The following SMG7 variants were observed in gnomAD, a reference collection of about 807,000 sequenced individuals.
The protein encoded by SMG7 is SMG7 nonsense mediated mRNA decay factor.
SMG7 carries 34 observed loss-of-function variants against 148.2 expected under a neutral mutation model. That is an observed-to-expected ratio of 0.23 (90% confidence interval 0.17 to 0.31). The LOEUF is 0.31. SMG7 is among the 10% of genes least tolerant of loss of function. SMG7 has a pLI of 1.00. For synonymous variants in SMG7, 492 were observed against 515.1 expected, an observed-to-expected ratio of 0.96 and a Z score of 0.61; for missense variants, 1,114 against 1,408.4, an observed-to-expected ratio of 0.79 and a Z score of 3.35.
chr1:183,520,973 T>C (rs1664638757), intron 4 of SMG7, among the ~76,000 whole-genome samples: 1 of 152,114 alleles, frequency 6.6e-6, no homozygotes, highest in African/African-American at 2.4e-5. Context: ...CCACAGGCAG[T>C]GATTGAGCAA....
Position 183,552,890 on chromosome 1 carries a change from G to A in SMG7, c.*959G>A. On this transcript the variant is annotated 3_prime_UTR_variant, in exon 23 of 23. Transcript: ENST00000688051. Reference sequence around the variant, plus strand: ...CCCCCATTCTACTTCCCACCCTCCTGCCCCATCTCCATCCCTTCTTTTACC... The same window carrying A: ...CCCCCATTCTACTTCCCACCCTCCTACCCCATCTCCATCCCTTCTTTTACC... 5 of 1,468,668 alleles carry A rather than the reference G, an allele frequency of 3.4e-6. No individual in the cohort carries two copies. Among genetic ancestry groups the A allele is most frequent in the South Asian group, 2.7e-5 (2 of 73,280 alleles). The allele number at this position is 1,468,668 out of a possible 1,614,324, so 91.0% of individuals were successfully genotyped here.
At chr1:183,503,634 G>C (rs1438208084) in intron 1 of SMG7, among the ~76,000 whole-genome samples, 3 of 152,178 alleles carry the variant, frequency 2.0e-5, no homozygotes, top group African/African-American at 4.8e-5. Context: ...TCATGAAGCA[G>C]TGAGGGGAGG....
rs1210839940 is a variant in SMG7, at chr1:183,514,047, AAAAG to A, written c.61+1181_61+1184del. ...TCCGTCTCAAAAAAAAAAAAAAAAA[AAAAG>A]AGTAAATGATTTAAATACGAAATTA... On this transcript the variant is annotated intron_variant, in intron 2 of 22. Coordinates refer to ENST00000688051, the MANE Select transcript of SMG7 (RefSeq NM_001375584.1). 3.0e-4 allele frequency among the ~76,000 whole-genome samples: 45 copies of A among 151,546 alleles called. 1 individual carries two copies. Among genetic ancestry groups the A allele is most frequent in the Non-Finnish European group, 1.5e-5 (1 of 67,860 alleles).
At position 183,553,676 on chromosome 1, in the gene SMG7, T is replaced by C. The variant is rs916309394; in HGVS notation, c.*1745T>C. ...GACATGGTGTTTGGGTTTTGTTTTT[T>C]TGAAAGGTCTGAAAAGGTGAAGCCC... On this transcript the variant is annotated 3_prime_UTR_variant, in exon 23 of 23. Coordinates refer to ENST00000688051, the MANE Select transcript of SMG7 (RefSeq NM_001375584.1). The C allele has an allele frequency of 6.4e-6, 1 of 157,114 alleles. No individual in the cohort carries two copies. Among genetic ancestry groups the C allele is most frequent in the African/African-American group, 2.4e-5 (1 of 41,420 alleles). 9.7% of individuals were successfully genotyped at this position (157,114 alleles called of 1,614,324 possible).
chr1:183,481,752 G>A (rs1473270400), intron 1 of SMG7, among the ~76,000 whole-genome samples: 1 of 152,152 alleles, frequency 6.6e-6, no homozygotes, highest in African/African-American at 2.4e-5. Flanking sequence ...AGTGTACTAA[G>A]GGAAGTGGAA....
intron 1 of SMG7, among the ~76,000 whole-genome samples, chr1:183,477,743 TGTG>T (rs1652955927): frequency 6.8e-6 from 1 of 146,812 alleles, no homozygotes; most frequent in Non-Finnish European, 1.5e-5. Context: ...CATATATACA[TGTG>T]TGTGCATATG....
At chr1:183,497,552 T>C (rs1463866539) in intron 1 of SMG7, among the ~76,000 whole-genome samples, 2 of 152,200 alleles carry the variant, frequency 1.3e-5, no homozygotes, top group East Asian at 3.8e-4. Context: ...GTTTAATTTG[T>C]TAAATTATTT....
chr1:183,526,948 C>G (rs1665989396), intron 5 of SMG7, among the ~76,000 whole-genome samples, 181 bp downstream of exon 5: 1 of 152,164 alleles, frequency 6.6e-6, no homozygotes, highest in East Asian at 1.9e-4. Context: ...ATTGGCAGAG[C>G]ATCGTGAAGA....
At chr1:183,480,700 T>C (rs914639350) in intron 1 of SMG7, among the ~76,000 whole-genome samples, 1 of 152,204 alleles carries the variant, frequency 6.6e-6, no homozygotes, top group Non-Finnish European at 1.5e-5. Flanking sequence ...GGCAGTGGTA[T>C]ATACACAGAG....
intron 1 of SMG7, among the ~76,000 whole-genome samples, chr1:183,503,565 T>C (rs555498546): frequency 6.6e-6 from 1 of 152,120 alleles, no homozygotes; most frequent in African/African-American, 2.4e-5. Context: ...GGACATAGGG[T>C]TTTTTACTAC....
At chr1:183,498,818 G>T (rs1659131073) in intron 1 of SMG7, among the ~76,000 whole-genome samples, 1 of 152,124 alleles carries the variant, frequency 6.6e-6, no homozygotes, top group Admixed American at 6.6e-5. Context: ...ACACTCTGTG[G>T]GTTTGGACCA....
rs950086187 is a variant in SMG7 at position 183,552,903 on chromosome 1, C to G, written c.*972C>G. 1.3e-6 allele frequency: 2 copies of G among 1,481,676 alleles called. No homozygotes were observed. Among genetic ancestry groups the G allele is most frequent in the East Asian group, 5.0e-5 (2 of 40,200 alleles). The allele number at this position is 1,481,676 out of a possible 1,614,324, so 91.8% of individuals were successfully genotyped here. On this transcript the variant is annotated 3_prime_UTR_variant, in exon 23 of 23. Coordinates refer to ENST00000688051, the MANE Select transcript of SMG7 (RefSeq NM_001375584.1). ...TCCCACCCTCCTGCCCCATCTCCAT[C>G]CCTTCTTTTACCCAATGCTGTATGC...
At chr1:183,528,553 C>T (rs140211240) in intron 6 of SMG7, among the ~76,000 whole-genome samples, 363 of 152,260 alleles carry the variant, frequency 2.4e-3, no homozygotes, top group African/African-American at 8.2e-3. Context: ...GACCACACTA[C>T]TTGTTTCATA....
At chr1:183,478,970 T>G (rs1026971621) in intron 1 of SMG7, among the ~76,000 whole-genome samples, 1 of 152,186 alleles carries the variant, frequency 6.6e-6, no homozygotes, top group African/African-American at 2.4e-5. Flanking sequence ...AATAGACTTA[T>G]CAGCTGTCTG....
intron 11 of SMG7, among the ~76,000 whole-genome samples, chr1:183,537,940 C>T (rs1010504129): frequency 3.3e-5 from 5 of 152,090 alleles, no homozygotes; most frequent in Non-Finnish European, 7.4e-5. Context: ...TTAATTTGCA[C>T]ATAAATCACC....
chr1:183,476,744 C>A (rs1236956930), intron 1 of SMG7, among the ~76,000 whole-genome samples: 1 of 149,878 alleles, frequency 6.7e-6, no homozygotes, highest in Non-Finnish European at 1.5e-5. Flanking sequence ...GTTGAAAATA[C>A]TTTGTTATGT....
chr1:183,544,817 CT>C lies in SMG7; in HGVS notation c.1988-109del, dbSNP rs1213015866. ...TAAAGATTGACAACATGACTAATCTCTTTTGTGATGTGTTAGAAGACTCCCT... is the reference window on the plus strand; with the variant it reads ...TAAAGATTGACAACATGACTAATCTCTTTGTGATGTGTTAGAAGACTCCCT... On this transcript the variant is annotated intron_variant, in intron 15 of 22. Transcript: ENST00000688051. 6 of 1,086,112 alleles carry C rather than the reference CT, an allele frequency of 5.5e-6. No homozygotes were observed. The Admixed American group carries it at 6.9e-5, about 13-fold the overall frequency. 67.3% of individuals were successfully genotyped at this position (1,086,112 alleles called of 1,614,324 possible).
Position 183,495,868 on chromosome 1 carries a change from A to G in SMG7, c.30-16969A>G, listed in dbSNP as rs139753058. On this transcript the variant is annotated intron_variant, in intron 1 of 22. Coordinates refer to ENST00000688051, the MANE Select transcript of SMG7 (RefSeq NM_001375584.1). ...AGGTGACGAGCAAGACCTTTTCTCA[A>G]TGGAAAAAAAAAAAAGGCAAACTGA... Among the ~76,000 whole-genome samples the G allele has an allele frequency of 5.6e-4, 85 of 151,992 alleles. 1 individual carries two copies. Among genetic ancestry groups the G allele is most frequent in the African/African-American group, 2.0e-3 (82 of 41,452 alleles).
At chr1:183,544,833 G>C (rs764532658) in intron 15 of SMG7, 97 bp from the exon 16 acceptor site, 11 of 1,224,378 alleles carry the variant, frequency 9.0e-6, no homozygotes, top group Non-Finnish European at 1.3e-5. Flanking sequence ...TGATGTGTTA[G>C]AAGACTCCCT....
Sources: allele counts gnomAD v4.1 joint callset (sites outside exome capture counted in the v4.1 genomes callset), GRCh38; gene constraint gnomAD v4.1.1; transcripts MANE v1.5; gene names NCBI Gene and HGNC (gene_info 2026-07-23, HGNC 2026-07-21).